Variants in CHST9 observed in about 807,000 individuals in gnomAD.
CHST9 encodes GalNAc-4-sulfotransferase 2.
Under a neutral mutation model 44.4 loss-of-function variants are expected in CHST9, and 41 were observed. The ratio of observed to expected loss-of-function variants is 0.92; its 90% CI spans 0.72 to 1.20. The LOEUF (loss-of-function observed/expected upper bound fraction) is 1.20. Ranked by LOEUF, CHST9 falls within the 50% of genes most tolerant of loss-of-function variation. CHST9 has a pLI of 0.00. For missense variants in CHST9, 504 were observed against 516.5 expected (o/e 0.98, Z 0.23); for synonymous variants, 171 against 178.4 (o/e 0.96, Z 0.33).
At chr18:27,160,630 GA>G (rs757090531) in intron 1 of CHST9, among the ~76,000 whole-genome samples, 23 of 152,212 alleles carry the variant, frequency 1.5e-4, no homozygotes, top group Non-Finnish European at 2.6e-4. Context: ...CACATAAAAT[GA>G]GTTAGGGAGG....
At chr18:26,921,524 T>C (rs144060885) in intron 5 of CHST9, among the ~76,000 whole-genome samples, 7 of 152,312 alleles carry the variant, frequency 4.6e-5, no homozygotes, top group African/African-American at 1.7e-4. Flanking sequence ...TTATAAAAGC[T>C]GTTATTCGGG....
chr18:27,022,971 A>G (rs888078388), intron 4 of CHST9, among the ~76,000 whole-genome samples: 1 of 152,200 alleles, frequency 6.6e-6, no homozygotes, highest in African/African-American at 2.4e-5. Flanking sequence ...TGTTTATTGA[A>G]TGAATAAAGG....
chr18:27,159,221 C>G (rs1261606289), intron 1 of CHST9, among the ~76,000 whole-genome samples: 7 of 152,144 alleles, frequency 4.6e-5, no homozygotes, highest in Admixed American at 4.6e-4. Flanking sequence ...AGGTTTTCTT[C>G]TAGGGGTTTT....
chr18:27,004,693 T>G (rs1025872587), intron 4 of CHST9, among the ~76,000 whole-genome samples: 1 of 152,190 alleles, frequency 6.6e-6, no homozygotes, highest in Non-Finnish European at 1.5e-5. Flanking sequence ...ACGGTTTCCC[T>G]TTTCGTAGTA....
chr18:27,057,691 C>A (rs1388409646), intron 2 of CHST9, among the ~76,000 whole-genome samples: 2 of 152,200 alleles, frequency 1.3e-5, no homozygotes, highest in African/African-American at 2.4e-5. Context: ...TAGATCTGGG[C>A]TTCTGAGGTC....
At chr18:27,071,191 G>A (rs1598697669) in intron 2 of CHST9, among the ~76,000 whole-genome samples, 1 of 152,160 alleles carries the variant, frequency 6.6e-6, no homozygotes, top group African/African-American at 2.4e-5. Context: ...TTTGTAACCA[G>A]AGTAGTTTCT....
In CHST9 at chr18:27,170,056, C is replaced by T. The variant is rs567737601; in HGVS notation, c.-97+15080G>A. 2.0e-5 allele frequency among the ~76,000 whole-genome samples: 3 copies of T among 152,212 alleles called. No individual in the cohort carries two copies. In the South Asian group the frequency reaches 6.2e-4, roughly 32 times the overall value. On this transcript the variant is annotated intron_variant, in intron 1 of 5. Transcript: ENST00000618847. ...GGTACATATGCAAAACAGGAGAATCCTTAACACCAAAATCAGGAGGCTGGT... is the reference window on the plus strand; with the variant it reads ...GGTACATATGCAAAACAGGAGAATCTTTAACACCAAAATCAGGAGGCTGGT...
intron 2 of CHST9, among the ~76,000 whole-genome samples, chr18:27,114,558 T>C (rs995998260): frequency 1.3e-5 from 2 of 152,344 alleles, no homozygotes; most frequent in East Asian, 3.9e-4. Flanking sequence ...ATCACCACTA[T>C]TTTATTTCAA....
chr18:26,953,488 AT>A (rs2056279653), intron 4 of CHST9, among the ~76,000 whole-genome samples: 1 of 152,122 alleles, frequency 6.6e-6, no homozygotes, highest in African/African-American at 2.4e-5. Context: ...AGGGGGAGAA[AT>A]TGGAGAATAT....
At chr18:27,008,946 T>A (rs930985989) in intron 4 of CHST9, among the ~76,000 whole-genome samples, 4 of 151,798 alleles carry the variant, frequency 2.6e-5, no homozygotes, top group African/African-American at 9.7e-5. Context: ...TCAAAAATAC[T>A]GAAACTCAGA....
Position 26,991,842 on chromosome 18 carries a change from T to C in CHST9, c.202+32274A>G, listed in dbSNP as rs2056820421. Reference sequence around the variant, plus strand: ...TGTTCATTGATGGCCCAGAGCAGTTTTGTAAAGTGATGGAAGTGAAAGTCC... The same window carrying C: ...TGTTCATTGATGGCCCAGAGCAGTTCTGTAAAGTGATGGAAGTGAAAGTCC... On this transcript the variant is annotated intron_variant, in intron 4 of 5. Transcript: ENST00000618847. 1.6e-5 allele frequency among the ~76,000 whole-genome samples: 2 copies of C among 126,594 alleles called. 1 individual carries two copies. Among genetic ancestry groups the C allele is most frequent in the South Asian group, 5.0e-4 (2 of 4,022 alleles). The allele number at this position is 126,594 out of a possible 152,430, so 83.1% of individuals were successfully genotyped here.
chr18:27,159,575 T>C (rs1050833678), intron 1 of CHST9, among the ~76,000 whole-genome samples: 4 of 152,208 alleles, frequency 2.6e-5, no homozygotes, highest in African/African-American at 9.6e-5. Flanking sequence ...TGGCTTAGGA[T>C]TGACTTGGCA....
intron 4 of CHST9, among the ~76,000 whole-genome samples, chr18:26,965,559 G>A (rs1568112475): frequency 6.6e-6 from 1 of 152,162 alleles, no homozygotes; most frequent in Non-Finnish European, 1.5e-5. Context: ...CATTAGCTGA[G>A]CAACACTGGG....
intron 4 of CHST9, among the ~76,000 whole-genome samples, chr18:27,021,818 T>G (rs2057230282): frequency 6.6e-6 from 1 of 152,210 alleles, no homozygotes; most frequent in Non-Finnish European, 1.5e-5. Context: ...TTTATTTGAT[T>G]TTTTAGAGAT....
At chr18:27,102,013 A>C (rs13381460) in intron 2 of CHST9, among the ~76,000 whole-genome samples, 3,456 of 152,322 alleles carry the variant, frequency 0.023, 116 homozygotes, top group African/African-American at 0.077. Flanking sequence ...AAAGGCACAG[A>C]TAGTGAGTTG....
At chr18:27,033,385 C>T (rs544374979) in intron 3 of CHST9, among the ~76,000 whole-genome samples, 31 of 152,170 alleles carry the variant, frequency 2.0e-4, no homozygotes, top group Non-Finnish European at 3.8e-4. Context: ...TCAAGATCAA[C>T]GTCTCAGTTT....
intron 3 of CHST9, among the ~76,000 whole-genome samples, chr18:27,041,486 C>A (rs527650407): frequency 6.6e-6 from 1 of 152,124 alleles, no homozygotes; most frequent in Non-Finnish European, 1.5e-5. Flanking sequence ...GATAATACTT[C>A]TCCCCTGCCA....
intron 4 of CHST9, among the ~76,000 whole-genome samples, chr18:26,944,761 G>T (rs2145118047): frequency 6.6e-6 from 1 of 152,322 alleles, no homozygotes; most frequent in African/African-American, 2.4e-5. Context: ...GGAACCCTGA[G>T]AACTGGACAA....
rs1336361017 is a variant in CHST9 at position 26,914,353 on chromosome 18, G to A, written c.*1906C>T. 1 of 152,066 alleles carries A rather than the reference G, an allele frequency of 6.6e-6. No individual in the cohort carries two copies. The highest frequency in any genetic ancestry group is 2.4e-5 in the African/African-American group (1 of 41,424). 9.4% of individuals were successfully genotyped at this position (152,066 alleles called of 1,614,324 possible). ...TTATAGTGGATTTCATATAAAGCAA[G>A]TTTTGTGTTTCTTAGGAATAAAATT... is the stretch of plus-strand genomic sequence containing the variant. On this transcript the variant is annotated 3_prime_UTR_variant, in exon 6 of 6. Transcript: ENST00000618847.
Sources: allele counts gnomAD v4.1 joint callset (sites outside exome capture counted in the v4.1 genomes callset), GRCh38; gene constraint gnomAD v4.1.1; transcripts MANE v1.5; gene names NCBI Gene and HGNC (gene_info 2026-07-23, HGNC 2026-07-21).